The following CCDC175 variants were observed in gnomAD, a reference collection of about 807,000 sequenced individuals.
The protein encoded by CCDC175 is coiled-coil domain containing 175, also known as coiled-coil domain-containing protein 175.
In CCDC175, 100 loss-of-function variants were observed where a neutral mutation model predicts 114.6. The ratio of observed to expected loss-of-function variants is 0.87; its 90% CI spans 0.74 to 1.03. CCDC175 has a LOEUF of 1.03. Among genes scored for constraint, CCDC175 ranks in the 50% least tolerant of loss-of-function variants. CCDC175 has a pLI of 0.00. For synonymous variants in CCDC175, 306 were observed against 308.7 expected, an observed-to-expected ratio of 0.99 and a Z score of 0.09; for missense variants, 880 against 917.8, an observed-to-expected ratio of 0.96 and a Z score of 0.53.
chr14:59,552,629 A>G (rs35651654), intron 7 of CCDC175, among the ~76,000 whole-genome samples: 79,608 of 152,026 alleles, frequency 0.52, 21,933 homozygotes, highest in East Asian at 0.82. Context: ...AATGACTGAC[A>G]AGTTGAGAGA....
At chr14:59,530,800 G>A (rs1476654843) in intron 14 of CCDC175, among the ~76,000 whole-genome samples, 4 of 152,038 alleles carry the variant, frequency 2.6e-5, no homozygotes, top group African/African-American at 9.7e-5. Flanking sequence ...CCCCATATTT[G>A]TCTTTGCTAA....
intron 7 of CCDC175, among the ~76,000 whole-genome samples, chr14:59,555,019 C>T (rs1270416803): frequency 6.6e-6 from 1 of 152,160 alleles, no homozygotes; most frequent in African/African-American, 2.4e-5. Flanking sequence ...GGATTCACAG[C>T]AGAATTCTAC....
chr14:59,575,116 G>T, intron 1 of CCDC175, 88 bp from the exon 2 acceptor site: 1 of 647,622 alleles, frequency 1.5e-6, no homozygotes, highest in Non-Finnish European at 2.5e-6. Context: ...ATGCTTACTC[G>T]GCTGGAAGTT....
In CCDC175 at chr14:59,505,331, AT is replaced by A. The variant is rs1892280234; in HGVS notation, c.2306-17del. 7.2e-7 allele frequency: 1 copy of A among 1,394,016 alleles called. No individual in the cohort carries two copies. Among genetic ancestry groups the A allele is most frequent in the African/African-American group, 1.4e-5 (1 of 69,030 alleles). 86.4% of individuals were successfully genotyped at this position (1,394,016 alleles called of 1,614,324 possible). A position where few individuals can be genotyped will look rare whatever the true frequency, so the allele number is the denominator to read the frequency against. On this transcript the variant is annotated splice_polypyrimidine_tract_variant and intron_variant, in intron 19 of 19. Coordinates refer to ENST00000537690, the MANE Select transcript of CCDC175 (RefSeq NM_001164399.2). ...TTCTTCTTCTCTGTAGGAATAAAAA[AT>A]AAATATAAAAATTTTATTTGTATTG...
intron 13 of CCDC175, among the ~76,000 whole-genome samples, chr14:59,533,172 C>G (rs2140011173): frequency 6.6e-6 from 1 of 152,274 alleles, no homozygotes; most frequent in East Asian, 1.9e-4. Flanking sequence ...ACCCCATGTT[C>G]ATATAGGAAC....
intron 7 of CCDC175, among the ~76,000 whole-genome samples, chr14:59,553,463 A>G (rs1210605286): frequency 6.6e-6 from 1 of 152,242 alleles, no homozygotes; most frequent in Non-Finnish European, 1.5e-5. Context: ...TCTTGAAGGA[A>G]GCACTAAACA....
chr14:59,505,293 T>C lies in CCDC175; in HGVS notation c.2328A>G (p.Thr776=), dbSNP rs1297356546. 1 of 1,501,388 alleles carries C rather than the reference T, an allele frequency of 6.7e-7. No homozygotes were observed. The allele number at this position is 1,501,388 out of a possible 1,614,324, so 93.0% of individuals were successfully genotyped here. The part of the protein sequence containing the change: ...DLLKKKKHIR[T]RVHFPVVKCT... ...ATTTAACCACTGGGAAATGAACCCT[T>C]GTACGAATGTGTTTCTTCTTCTCTG... The change falls in exon 20 of 20, where the codon ACA becomes ACG. Residue 776 remains threonine, a synonymous_variant. Coordinates refer to ENST00000537690, the MANE Select transcript of CCDC175 (RefSeq NM_001164399.2).
chr14:59,558,957 A>G (rs1329717747), intron 7 of CCDC175, among the ~76,000 whole-genome samples: 4 of 152,146 alleles, frequency 2.6e-5, no homozygotes, highest in Non-Finnish European at 5.9e-5. Flanking sequence ...AAAACATGAT[A>G]TTTAGGAAGC....
chr14:59,541,223 G>A (rs1894764255), intron 10 of CCDC175, among the ~76,000 whole-genome samples: 1 of 152,106 alleles, frequency 6.6e-6, no homozygotes, highest in South Asian at 2.1e-4. Context: ...CATTGTTGAG[G>A]AACTCCAGAC....
intron 19 of CCDC175, among the ~76,000 whole-genome samples, chr14:59,507,899 G>A (rs564006309): frequency 1.0e-3 from 154 of 152,250 alleles, no homozygotes; most frequent in African/African-American, 3.7e-3. Context: ...TCAGCATTCC[G>A]CTGGAGGCTA....
intron 4 of CCDC175, among the ~76,000 whole-genome samples, chr14:59,567,404 TG>T (rs1481275537): frequency 3.9e-5 from 6 of 152,240 alleles, no homozygotes; most frequent in Non-Finnish European, 5.9e-5. Context: ...GTTTATTATC[TG>T]GGACACCAGG....
chr14:59,547,357 T>G (rs1393961968), intron 8 of CCDC175, among the ~76,000 whole-genome samples: 2 of 152,182 alleles, frequency 1.3e-5, no homozygotes, highest in East Asian at 3.9e-4. Flanking sequence ...TCCAAACAGG[T>G]TTTTTGGAAG....
At position 59,521,595 on chromosome 14, in the gene CCDC175, G is replaced by A. The variant is rs748572105; in HGVS notation, c.2077C>T (p.Arg693Trp). The change falls in exon 17 of 20, where the codon CGG becomes TGG. Residue 693 changes from arginine (R) to tryptophan (W), a missense_variant. Arg to Trp is a moderately radical substitution (Grantham distance 101, BLOSUM62 -3). Coordinates refer to ENST00000537690, the MANE Select transcript of CCDC175 (RefSeq NM_001164399.2). ...ALMHTSSDLS[R>W]QLIAQEAQYK... is the part of the protein sequence containing the mutation. Reference sequence around the variant, plus strand: ...TTACCCTCCTGAGCTATTAGTTGCCGAGACAAGTCGCTTGAGGTGTGCATG... The same window carrying A: ...TTACCCTCCTGAGCTATTAGTTGCCAAGACAAGTCGCTTGAGGTGTGCATG... 39 of 1,533,536 alleles carry A rather than the reference G, an allele frequency of 2.5e-5. No homozygotes were observed. The highest frequency in any genetic ancestry group is 3.1e-5 in the Non-Finnish European group (35 of 1,143,614). 95.0% of individuals were successfully genotyped at this position (1,533,536 alleles called of 1,614,324 possible).
intron 17 of CCDC175, among the ~76,000 whole-genome samples, chr14:59,517,795 T>C (rs1893189398): frequency 6.6e-6 from 1 of 152,178 alleles, no homozygotes; most frequent in African/African-American, 2.4e-5. Flanking sequence ...ACCAATGACT[T>C]TCTTCACAGA....
chr14:59,542,253 C>A (rs1894835649), intron 10 of CCDC175, among the ~76,000 whole-genome samples: 1 of 152,160 alleles, frequency 6.6e-6, no homozygotes, highest in Admixed American at 6.5e-5. Flanking sequence ...TTATATAATT[C>A]ACTGTCATAC....
In CCDC175 at chr14:59,530,236, G is replaced by A. The variant is rs190401570; in HGVS notation, c.1762+1536C>T. Reference sequence around the variant, plus strand: ...ACAAAAATTGGCCAGGCATGGTGGCGCACACCTGTAATCCCAGCTACTCAG... The same window carrying A: ...ACAAAAATTGGCCAGGCATGGTGGCACACACCTGTAATCCCAGCTACTCAG... On this transcript the variant is annotated intron_variant, in intron 14 of 19. Transcript: ENST00000537690. 3.6e-4 allele frequency among the ~76,000 whole-genome samples: 54 copies of A among 151,614 alleles called. 1 individual carries two copies. In the East Asian group the frequency reaches 8.7e-3, roughly 25 times the overall value.
rs190202701 is a variant in CCDC175, at chr14:59,565,541, T to C, written c.492-266A>G. ...GGCCAACATGGTGAAACCCTGTCTC[T>C]ACTAAAAATACAAAAATTAGCCGGG... On this transcript the variant is annotated intron_variant, in intron 4 of 19. Coordinates refer to ENST00000537690, the MANE Select transcript of CCDC175 (RefSeq NM_001164399.2). Among the ~76,000 whole-genome samples, 18 of 152,154 alleles carry C rather than the reference T, an allele frequency of 1.2e-4. No individual in the cohort carries two copies. In the East Asian group the frequency reaches 3.5e-3, roughly 29 times the overall value.
In CCDC175 at chr14:59,510,795, T is replaced by C; in HGVS notation, c.2156A>G (p.Asn719Ser). 1.3e-6 allele frequency: 2 copies of C among 1,536,978 alleles called. No homozygotes were observed. The highest frequency in any genetic ancestry group is 1.2e-5 in the South Asian group (1 of 84,004). ...FQTTVKILVDNGEETLQDINN... is the reference protein window; with the variant it reads ...FQTTVKILVDSGEETLQDINN... ...TATGTCTTGCAAGGTCTCTTCACCATTGTCCACCAAGATCTAAAGAAATGG... is the reference window on the plus strand; with the variant it reads ...TATGTCTTGCAAGGTCTCTTCACCACTGTCCACCAAGATCTAAAGAAATGG... The change falls in exon 19 of 20, where the codon AAT becomes AGT. Residue 719 changes from asparagine to serine, a missense_variant. Coordinates refer to ENST00000537690, the MANE Select transcript of CCDC175 (RefSeq NM_001164399.2).
chr14:59,564,775 T>C (rs1896425764), intron 5 of CCDC175, among the ~76,000 whole-genome samples: 1 of 152,232 alleles, frequency 6.6e-6, no homozygotes, highest in South Asian at 2.1e-4. Flanking sequence ...TCCTTGTCCC[T>C]GTATGGCAGC....
Sources: gnomAD v4.1 joint callset for allele counts (sites outside exome capture counted in the v4.1 genomes callset) on GRCh38, gnomAD v4.1.1 for gene constraint, MANE v1.5 for transcripts, NCBI Gene and HGNC (gene_info 2026-07-23, HGNC 2026-07-21) for gene names.